Variants in TESK1 observed in about 807,000 individuals in gnomAD.
TESK1 encodes testis associated actin remodelling kinase 1, also known as dual specificity testis-specific protein kinase 1.
A neutral mutation model predicts 59.9 loss-of-function variants in TESK1; 18 were observed. That is an observed-to-expected ratio of 0.30 (90% CI 0.21 to 0.45). The LOEUF is 0.45. Ranked by LOEUF, TESK1 falls within the 20% of genes least tolerant of loss-of-function variation. The probability of loss-of-function intolerance (pLI) is 1.00; values close to 1 mark genes in which losing one functional copy is unlikely to be tolerated. For synonymous variants in TESK1, 341 were observed against 357.4 expected (o/e 0.95, Z 0.52); for missense variants, 748 against 840.9 (o/e 0.89, Z 1.37).
chr9:35,609,639 G>A lies in TESK1; in HGVS notation c.1778G>A (p.Arg593His), dbSNP rs533441187. The stretch of plus-strand genomic sequence containing the variant: ...CCCCGCCCCACACCAGCTGTTGCCC[G>A]CTACCGCAACCTGAACTGTGAGGCG... ...MCPRPTPAVARYRNLNCEAGS... is the reference protein window; with the variant it reads ...MCPRPTPAVAHYRNLNCEAGS... The change falls in exon 10 of 10, where the codon CGC becomes CAC. Residue 593 changes from arginine (R) to histidine (H), a missense_variant. By Grantham distance (29) the Arg-to-His change is conservative. Around this residue, in one of 3 missense-constraint regions of TESK1, gnomAD observed 447 missense variants for 466.1 expected, o/e 0.96. Coordinates refer to ENST00000336395, the MANE Select transcript of TESK1 (RefSeq NM_006285.3). This position sits in a 1 kb window ranked among gnomAD's most constrained non-coding sequence, Gnocchi z 6.7. The A allele has an allele frequency of 5.7e-5, 91 of 1,608,824 alleles. 1 individual carries two copies. In the South Asian group the frequency reaches 8.1e-4, roughly 14 times the overall value.
chr9:35,606,266 A>C lies in TESK1; in HGVS notation c.371A>C (p.Gln124Pro). ...ATGGGAGTCTGTGTGCACCAGGGACAGCTGCACGCTCTTACAGAGGTGAGG... is the reference window on the plus strand; with the variant it reads ...ATGGGAGTCTGTGTGCACCAGGGACCGCTGCACGCTCTTACAGAGGTGAGG... ...RFMGVCVHQG[Q>P]LHALTEYMNG... The change falls in exon 3 of 10, where the codon CAG becomes CCG. Residue 124 changes from glutamine to proline, a missense_variant. Gln to Pro is a moderately conservative substitution (Grantham distance 76). Around this residue, in one of 3 missense-constraint regions of TESK1, gnomAD observed 168 missense variants for 257.4 expected, o/e 0.65. Coordinates refer to ENST00000336395, the MANE Select transcript of TESK1 (RefSeq NM_006285.3). 1.2e-6 allele frequency: 2 copies of C among 1,614,100 alleles called. No homozygotes were observed. Among genetic ancestry groups the C allele is most frequent in the Non-Finnish European group, 1.7e-6 (2 of 1,180,020 alleles).
In TESK1 at chr9:35,609,912, C is replaced by G; in HGVS notation, c.*170C>G. ...GACAGAGCACTTCCAGTCGACCCCC[C>G]GGCTCGCGTTCCCGTGGGGATCACT... On this transcript the variant is annotated 3_prime_UTR_variant, in exon 10 of 10. Transcript: ENST00000336395. This position sits in a 1 kb window ranked among gnomAD's most constrained non-coding sequence, Gnocchi z 6.7. 1 of 726,576 alleles carries G rather than the reference C, an allele frequency of 1.4e-6. No homozygotes were observed. The highest frequency in any genetic ancestry group is 2.1e-6 in the Non-Finnish European group (1 of 468,548). The allele number at this position is 726,576 out of a possible 1,614,324, so 45.0% of individuals were successfully genotyped here. A position where few individuals can be genotyped will look rare whatever the true frequency, so the allele number is the denominator to read the frequency against.
Position 35,609,249 on chromosome 9 carries a change from C to A in TESK1, c.1388C>A (p.Ser463Ter), listed in dbSNP as rs763575051. Residue 463 changes from serine to a stop codon, truncating the protein, a stop_gained, in exon 10 of 10, where the codon TCG becomes TAG. Coordinates refer to ENST00000336395, the MANE Select transcript of TESK1 (RefSeq NM_006285.3). LOFTEE classifies it high-confidence loss of function. The surrounding 1 kb of genome is among the most constrained non-coding windows in gnomAD (Gnocchi z 6.7). ...CCTGGCCCTCCCGCTGTGGGCCCCT[C>A]GGCTGAAGAGAAGATGGAGTGCGAG... ...PGPGPPAVGPSAEEKMECEGS... is the reference protein window; with the variant it reads ...PGPGPPAVGP The A allele has an allele frequency of 6.2e-7, 1 of 1,614,116 alleles. No individual in the cohort carries two copies. Among genetic ancestry groups the A allele is most frequent in the Non-Finnish European group, 8.5e-7 (1 of 1,180,010 alleles).
rs768302785 is a variant in TESK1, at chr9:35,606,305, G to A, written c.390+20G>A. ...ACAGAGGTGAGGATAGGCCAGGAAG[G>A]AGGGATCCCCACCCCCCTTCACCCC... is the stretch of plus-strand genomic sequence containing the variant. On this transcript the variant is annotated intron_variant, in intron 3 of 9. Transcript: ENST00000336395. 3.1e-6 allele frequency: 5 copies of A among 1,613,420 alleles called. No homozygotes were observed. In the East Asian group the frequency reaches 6.7e-5, roughly 22 times the overall value.
intron 9 of TESK1, 104 bp downstream of exon 9, chr9:35,608,613 G>A (rs1278792379): frequency 2.6e-6 from 3 of 1,156,280 alleles, no homozygotes; most frequent in African/African-American, 3.1e-5. Flanking sequence ...TAGTTGAAAA[G>A]GCTGGGGGTC....
rs1474948729 is a variant in TESK1, at chr9:35,607,045, C to T, written c.537+62C>T. On this transcript the variant is annotated intron_variant, in intron 4 of 9. Coordinates refer to ENST00000336395, the MANE Select transcript of TESK1 (RefSeq NM_006285.3). This position sits in a 1 kb window ranked among gnomAD's most constrained non-coding sequence, Gnocchi z 4.5. Reference sequence around the variant, plus strand: ...TTTGAGGCTATTAGGTTGTAACTGGCCTGTGGATGTTGGAATATGGATAAC... The same window carrying T: ...TTTGAGGCTATTAGGTTGTAACTGGTCTGTGGATGTTGGAATATGGATAAC... 6 of 1,489,862 alleles carry T rather than the reference C, an allele frequency of 4.0e-6. 1 individual carries two copies. The highest frequency in any genetic ancestry group is 2.6e-5 in the South Asian group (2 of 76,438). The allele number at this position is 1,489,862 out of a possible 1,614,324, so 92.3% of individuals were successfully genotyped here.
chr9:35,608,579 AT>A, intron 9 of TESK1, 70 bp downstream of exon 9: 2 of 1,192,652 alleles, frequency 1.7e-6, no homozygotes, highest in Non-Finnish European at 2.3e-6. Context: ...CAGAGGTGAC[AT>A]GGGGGAGGCT....
In TESK1 at chr9:35,607,251, G is replaced by A; in HGVS notation, c.538-76G>A. 1 of 1,564,580 alleles carries A rather than the reference G, an allele frequency of 6.4e-7. No individual in the cohort carries two copies. The highest frequency in any genetic ancestry group is 8.8e-7 in the Non-Finnish European group (1 of 1,136,394). The stretch of plus-strand genomic sequence containing the variant: ...GTTGGAGTTATGCTGGAGTGACAGG[G>A]CTTTGGGTTATACATTGGGAGGCCA... On this transcript the variant is annotated intron_variant, in intron 4 of 9. Transcript: ENST00000336395. The surrounding 1 kb of genome is among the most constrained non-coding windows in gnomAD (Gnocchi z 4.5).
Position 35,607,518 on chromosome 9 carries a change from C to T in TESK1, c.621-64C>T. On this transcript the variant is annotated intron_variant, in intron 5 of 9. Coordinates refer to ENST00000336395, the MANE Select transcript of TESK1 (RefSeq NM_006285.3). This position sits in a 1 kb window ranked among gnomAD's most constrained non-coding sequence, Gnocchi z 4.5. ...GGGAACGGAGGGAGTTCACCTCATCCCCTTTTGCCTGGGGGGGATGCCTGA... is the reference window on the plus strand; with the variant it reads ...GGGAACGGAGGGAGTTCACCTCATCTCCTTTTGCCTGGGGGGGATGCCTGA... 1 of 1,579,800 alleles carries T rather than the reference C, an allele frequency of 6.3e-7. No homozygotes were observed. Among genetic ancestry groups the T allele is most frequent in the Non-Finnish European group, 8.7e-7 (1 of 1,149,552 alleles).
In TESK1 at chr9:35,605,346, GC is replaced by G; in HGVS notation, c.-270del. ...GCCCGCGGCAAGCCAGCCCGCCGGC[GC>G]CCCGGAGCGCTGCCGCCACCGTCAC... On this transcript the variant is annotated 5_prime_UTR_variant, in exon 1 of 10. Transcript: ENST00000336395. The G allele has an allele frequency of 6.7e-6, 1 of 148,556 alleles. No homozygotes were observed. Among genetic ancestry groups the G allele is most frequent in the South Asian group, 1.8e-4 (1 of 5,554 alleles). 9.2% of individuals were successfully genotyped at this position (148,556 alleles called of 1,614,324 possible).
At position 35,609,227 on chromosome 9, in the gene TESK1, G is replaced by A; in HGVS notation, c.1366G>A (p.Gly456Ser). 1 of 1,614,064 alleles carries A rather than the reference G, an allele frequency of 6.2e-7. No individual in the cohort carries two copies. The highest frequency in any genetic ancestry group is 8.5e-7 in the Non-Finnish European group (1 of 1,180,030). Residue 456 changes from glycine to serine, a missense_variant, in exon 10 of 10, where the codon GGC becomes AGC. This residue lies in a region of TESK1 where 447 missense variants were observed against 466.1 expected (regional missense o/e 0.96). Transcript: ENST00000336395. This position sits in a 1 kb window ranked among gnomAD's most constrained non-coding sequence, Gnocchi z 6.7. ...RRMETALPGP[G>S]PPAVGPSAEE... ...TATGGAGACAGCACTGCCAGGTCCT[G>A]GCCCTCCCGCTGTGGGCCCCTCGGC... is the stretch of plus-strand genomic sequence containing the variant.
Position 35,608,397 on chromosome 9 carries a change from G to A in TESK1, c.888G>A (p.Leu296=). The part of the protein sequence containing the change: ...FLLLAIHCCN[L]EPSTRAPFTE... Reference sequence around the variant, plus strand: ...CCGTTCCTGTCTCTACCCATCAGCTGGAACCCAGCACCCGTGCCCCCTTCA... The same window carrying A: ...CCGTTCCTGTCTCTACCCATCAGCTAGAACCCAGCACCCGTGCCCCCTTCA... Residue 296 remains leucine (L), a splice_region_variant and synonymous_variant, in exon 9 of 10, where the codon CTG becomes CTA. Coordinates refer to ENST00000336395, the MANE Select transcript of TESK1 (RefSeq NM_006285.3). The A allele has an allele frequency of 1.2e-6, 2 of 1,614,058 alleles. No homozygotes were observed. The highest frequency in any genetic ancestry group is 1.7e-6 in the Non-Finnish European group (2 of 1,179,972).
rs533751680 is a variant in TESK1 at position 35,605,802 on chromosome 9, G to A, written c.183G>A (p.Glu61=). The A allele has an allele frequency of 2.5e-6, 4 of 1,612,076 alleles. No individual in the cohort carries two copies. The East Asian group carries it at 8.9e-5, about 36-fold the overall frequency. ...LARVDDFHCA[E]KIGAGFFSEV... is the part of the protein sequence containing the mutation. ...GTGTGGACGATTTTCACTGCGCGGA[G>A]AAGATCGGGGCCGGCTTCTTCTCTG... is the stretch of plus-strand genomic sequence containing the variant. The change falls in exon 1 of 10, where the codon GAG becomes GAA. Residue 61 remains glutamate, a synonymous_variant. Transcript: ENST00000336395.
chr9:35,609,193 C>T lies in TESK1; in HGVS notation c.1332C>T (p.Leu444=). 1 of 1,613,744 alleles carries T rather than the reference C, an allele frequency of 6.2e-7. No individual in the cohort carries two copies. Among genetic ancestry groups the T allele is most frequent in the East Asian group, 2.2e-5 (1 of 44,882 alleles). The part of the protein sequence containing the change: ...RCRSLPSSPE[L]PRRMETALPG... ...GCTCACTACCCTCATCCCCCGAGCT[C>T]CCCCGCCGTATGGAGACAGCACTGC... is the stretch of plus-strand genomic sequence containing the variant. The change falls in exon 10 of 10, where the codon CTC becomes CTT. Residue 444 remains leucine (L), a synonymous_variant. Transcript: ENST00000336395. The surrounding 1 kb of genome is among the most constrained non-coding windows in gnomAD (Gnocchi z 6.7).
chr9:35,606,167 G>T, intron 2 of TESK1, 62 bp downstream of exon 2: 2 of 1,614,128 alleles, frequency 1.2e-6, no homozygotes, highest in Non-Finnish European at 1.7e-6. Context: ...GATCCCGCGG[G>T]AAAAGTGGAA....
chr9:35,609,784 G>A lies in TESK1; in HGVS notation c.*42G>A. The A allele has an allele frequency of 2.0e-6, 3 of 1,504,888 alleles. No homozygotes were observed. The highest frequency in any genetic ancestry group is 2.7e-6 in the Non-Finnish European group (3 of 1,131,352). The allele number at this position is 1,504,888 out of a possible 1,614,324, so 93.2% of individuals were successfully genotyped here. A position where few individuals can be genotyped will look rare whatever the true frequency, so the allele number is the denominator to read the frequency against. On this transcript the variant is annotated 3_prime_UTR_variant, in exon 10 of 10. Coordinates refer to ENST00000336395, the MANE Select transcript of TESK1 (RefSeq NM_006285.3). This position sits in a 1 kb window ranked among gnomAD's most constrained non-coding sequence, Gnocchi z 6.7. ...CTCAGGCCTCCAACTTTGGCCTTCA[G>A]GACACCCTGTAAGAACAGAGCACAC...
rs762856337 is a variant in TESK1, at chr9:35,606,223, C to T, written c.342-14C>T. The T allele has an allele frequency of 1.9e-6, 3 of 1,614,180 alleles. No individual in the cohort carries two copies. In the South Asian group the frequency reaches 3.3e-5, roughly 18 times the overall value. On this transcript the variant is annotated splice_polypyrimidine_tract_variant and intron_variant, in intron 2 of 9. Coordinates refer to ENST00000336395, the MANE Select transcript of TESK1 (RefSeq NM_006285.3). ...TTAATAGCCTATCCTTCTATCTTCC[C>T]CATCCTCTTGCAGGTTCATGGGAGT...
chr9:35,609,364 G>A lies in TESK1; in HGVS notation c.1503G>A (p.Ser501=), dbSNP rs774016882. Residue 501 remains serine (S), a synonymous_variant, in exon 10 of 10, where the codon TCG becomes TCA. Coordinates refer to ENST00000336395, the MANE Select transcript of TESK1 (RefSeq NM_006285.3). The surrounding 1 kb of genome is among the most constrained non-coding windows in gnomAD (Gnocchi z 6.7). The part of the protein sequence containing the change: ...ATDNFISTCS[S]ASQPWSPRSG... ...ACAACTTCATCAGCACCTGTTCCTC[G>A]GCCTCCCAACCCTGGTCCCCTAGAT... 6.7e-5 allele frequency: 108 copies of A among 1,612,524 alleles called. No homozygotes were observed. Among genetic ancestry groups the A allele is most frequent in the South Asian group, 2.1e-4 (19 of 90,934 alleles).
Position 35,607,536 on chromosome 9 carries a change from A to T in TESK1, c.621-46A>T. On this transcript the variant is annotated intron_variant, in intron 5 of 9. Transcript: ENST00000336395. The surrounding 1 kb of genome is among the most constrained non-coding windows in gnomAD (Gnocchi z 4.5). ...CCTCATCCCCTTTTGCCTGGGGGGG[A>T]TGCCTGAATAGGATGCTTCTGACCA... The T allele has an allele frequency of 1.3e-6, 2 of 1,582,266 alleles. No homozygotes were observed. Among genetic ancestry groups the T allele is most frequent in the Non-Finnish European group, 1.7e-6 (2 of 1,152,358 alleles).
Sources: gnomAD v4.1 joint callset for allele counts on GRCh38, gnomAD v4.1.1 for gene constraint, gnomAD v4.1.1 regional missense constraint, Gnocchi (gnomAD v3.1) non-coding constraint, MANE v1.5 for transcripts, NCBI Gene and HGNC (gene_info 2026-07-23, HGNC 2026-07-21) for gene names.